LINGO2: variants seen among roughly 807,000 people sequenced by gnomAD.
The protein encoded by LINGO2 is leucine rich repeat and Ig domain containing 2.
LINGO2 carries 14 observed loss-of-function variants against 30.6 expected under a neutral mutation model. That is an observed-to-expected ratio of 0.46 (90% CI 0.30 to 0.72). LINGO2 has a LOEUF of 0.72. Ranked by LOEUF, LINGO2 falls within the 30% of genes least tolerant of loss-of-function variation. The probability of loss-of-function intolerance (pLI) is 0.07; values close to 1 mark genes in which losing one functional copy is unlikely to be tolerated. For missense variants in LINGO2, 729 were observed against 751.7 expected (o/e 0.97, Z 0.35); for synonymous variants, 317 against 288.5 (o/e 1.10, Z -1.00).
rs113611350 is a variant in LINGO2 at position 28,387,661 on chromosome 9, G to A, written c.-278-14793C>T. Reference sequence around the variant, plus strand: ...AACCCATCAGGAGGAATGAACAACTGTGGACGCGCCACCTTTAAGAGCTGT... The same window carrying A: ...AACCCATCAGGAGGAATGAACAACTATGGACGCGCCACCTTTAAGAGCTGT... On this transcript the variant is annotated intron_variant, in intron 2 of 5. Transcript: ENST00000379992. Among the ~76,000 whole-genome samples, 435 of 152,276 alleles carry A rather than the reference G, an allele frequency of 2.9e-3. 1 individual carries two copies. The highest frequency in any genetic ancestry group is 9.8e-3 in the African/African-American group (409 of 41,564).
the LINGO2 span, among the ~76,000 whole-genome samples, chr9:29,040,818 T>C: frequency 6.6e-6 from 1 of 152,104 alleles, no homozygotes; most frequent in East Asian, 1.9e-4. Context: ...TTTATAATAA[T>C]AGAGCCATAT....
At chr9:28,554,336 A>G (rs1822513702) in intron 1 of LINGO2, among the ~76,000 whole-genome samples, 2 of 149,082 alleles carry the variant, frequency 1.3e-5, no homozygotes, top group Admixed American at 6.7e-5. Context: ...AAAAAAAGGC[A>G]GGGGTTGCAA....
At chr9:28,277,190 T>C (rs1823145170) in intron 4 of LINGO2, among the ~76,000 whole-genome samples, 1 of 152,242 alleles carries the variant, frequency 6.6e-6, no homozygotes. Context: ...TGTCCTACTT[T>C]GGTAATTCTG....
chr9:28,246,985 A>G (rs1056610188), intron 4 of LINGO2, among the ~76,000 whole-genome samples: 1 of 152,230 alleles, frequency 6.6e-6, no homozygotes, highest in South Asian at 2.1e-4. Flanking sequence ...AAATTTAGGT[A>G]GCCAACATGA....
the LINGO2 span, among the ~76,000 whole-genome samples, chr9:28,745,909 T>C: frequency 6.6e-6 from 1 of 152,070 alleles, no homozygotes; most frequent in Non-Finnish European, 1.5e-5. Flanking sequence ...TCAGCATTAA[T>C]ATATAAAGAA....
the LINGO2 span, among the ~76,000 whole-genome samples, chr9:29,125,008 A>T: frequency 6.6e-6 from 1 of 152,066 alleles, no homozygotes; most frequent in Non-Finnish European, 1.5e-5. Context: ...CTTGGAACCA[A>T]CCAAATATCC....
intron 2 of LINGO2, among the ~76,000 whole-genome samples, chr9:28,467,948 A>G: frequency 6.6e-6 from 1 of 152,202 alleles, no homozygotes; most frequent in East Asian, 1.9e-4. Flanking sequence ...AATAATATAC[A>G]AAATATACAA....
At chr9:28,919,067 G>C in the LINGO2 span, among the ~76,000 whole-genome samples, 9 of 152,142 alleles carry the variant, frequency 5.9e-5, no homozygotes, top group African/African-American at 2.2e-4. Context: ...CTTCAATGCA[G>C]ACATTCCTTT....
chr9:28,606,014 A>T (rs1171848232), intron 1 of LINGO2, among the ~76,000 whole-genome samples: 1 of 152,034 alleles, frequency 6.6e-6, no homozygotes, highest in Non-Finnish European at 1.5e-5. Flanking sequence ...CTATAGTGAC[A>T]TTAGAATCTC....
downstream of LINGO2, among the ~76,000 whole-genome samples, chr9:27,945,120 T>A (rs1035573736): frequency 1.3e-5 from 2 of 152,202 alleles, no homozygotes; most frequent in African/African-American, 4.8e-5. Flanking sequence ...TCTGAGTACA[T>A]CCCCTGAAGT....
At chr9:28,173,420 A>G (rs1341861120) in intron 4 of LINGO2, among the ~76,000 whole-genome samples, 1 of 152,188 alleles carries the variant, frequency 6.6e-6, no homozygotes, top group African/African-American at 2.4e-5. Flanking sequence ...GAGATATAAC[A>G]GGAGGAAAAA....
Position 28,348,848 on chromosome 9 carries a change from C to G in LINGO2, c.-246+23988G>C, listed in dbSNP as rs1317393656. On this transcript the variant is annotated intron_variant, in intron 3 of 5. Transcript: ENST00000379992. ...TCAAGTGGGTCCCTGACCCCTGAAC[C>G]CCGGGCAGCCTAACTGGGAGGCACC... Among the ~76,000 whole-genome samples the G allele has an allele frequency of 5.9e-5, 9 of 151,910 alleles. No individual in the cohort carries two copies. The East Asian group carries it at 1.7e-3, about 30-fold the overall frequency.
At chr9:29,182,535 TCTAA>T in the LINGO2 span, among the ~76,000 whole-genome samples, 1 of 152,294 alleles carries the variant, frequency 6.6e-6, no homozygotes, top group South Asian at 2.1e-4. Context: ...TCACTAGTTC[TCTAA>T]CTCTCTTAAC....
intron 4 of LINGO2, among the ~76,000 whole-genome samples, chr9:28,051,729 T>C (rs187932355): frequency 3.3e-5 from 5 of 152,232 alleles, no homozygotes; most frequent in African/African-American, 9.6e-5. Flanking sequence ...TGTTCTATTT[T>C]ACTGCTTCTT....
At chr9:28,700,101 C>T in the LINGO2 span, among the ~76,000 whole-genome samples, 1 of 151,956 alleles carries the variant, frequency 6.6e-6, no homozygotes, top group Non-Finnish European at 1.5e-5. Context: ...TTAATAAAAA[C>T]CTGCTGGTTT....
the LINGO2 span, among the ~76,000 whole-genome samples, chr9:29,068,171 A>C: frequency 6.6e-6 from 1 of 151,816 alleles, no homozygotes; most frequent in Non-Finnish European, 1.5e-5. Context: ...TCCAGTCTGC[A>C]ATCAGAACTT....
At chr9:29,108,978 T>G in the LINGO2 span, among the ~76,000 whole-genome samples, 156 of 152,342 alleles carry the variant, frequency 1.0e-3, 3 homozygotes, top group East Asian at 0.027. Flanking sequence ...GAAATTTACT[T>G]GCACAATAGC....
At chr9:28,228,402 T>C (rs571968908) in intron 4 of LINGO2, among the ~76,000 whole-genome samples, 4 of 152,146 alleles carry the variant, frequency 2.6e-5, no homozygotes, top group African/African-American at 4.8e-5. Context: ...TCAGATCCAT[T>C]TGGCATACAG....
chr9:29,126,523 A>G, the LINGO2 span, among the ~76,000 whole-genome samples: 1 of 152,138 alleles, frequency 6.6e-6, no homozygotes, highest in African/African-American at 2.4e-5. Flanking sequence ...AAATATGTAC[A>G]TGCAAATACA....
Sources: gnomAD v4.1 joint callset for allele counts (sites outside exome capture counted in the v4.1 genomes callset) on GRCh38, gnomAD v4.1.1 for gene constraint, MANE v1.5 for transcripts, NCBI Gene and HGNC (gene_info 2026-07-23, HGNC 2026-07-21) for gene names.